ETV6: variants seen among roughly 807,000 people sequenced by gnomAD.
ETV6 encodes the protein ETS variant transcription factor 6.
A neutral mutation model predicts 51.1 loss-of-function variants in ETV6; 16 were observed. That is an observed-to-expected ratio of 0.31 (90% CI 0.21 to 0.48). ETV6 has a LOEUF of 0.48. ETV6 is among the 20% of genes least tolerant of loss of function. ETV6 has a pLI of 0.99. For missense variants in ETV6, 458 were observed against 594.8 expected (o/e 0.77, Z 2.39); for synonymous variants, 240 against 224.1 (o/e 1.07, Z -0.64).
chr12:11,836,682 C>T (rs1946321214), intron 2 of ETV6, among the ~76,000 whole-genome samples: 1 of 152,156 alleles, frequency 6.6e-6, no homozygotes, highest in African/African-American at 2.4e-5. Context: ...TTACTACTTG[C>T]ATCCCCCACC....
intron 1 of ETV6, among the ~76,000 whole-genome samples, chr12:11,675,124 G>T (rs180880184): frequency 6.6e-5 from 10 of 152,282 alleles, no homozygotes; most frequent in Non-Finnish European, 2.9e-5. Flanking sequence ...GCCCCTGAGA[G>T]TTTATTACCA....
At chr12:11,690,999 A>G (rs1338107175) in intron 1 of ETV6, among the ~76,000 whole-genome samples, 3 of 152,160 alleles carry the variant, frequency 2.0e-5, no homozygotes, top group African/African-American at 7.2e-5. Context: ...CTTATAAACA[A>G]CAGAATTTGA....
chr12:11,652,320 A>G (rs1863921061), intron 1 of ETV6, among the ~76,000 whole-genome samples: 1 of 152,220 alleles, frequency 6.6e-6, no homozygotes, highest in African/African-American at 2.4e-5. Flanking sequence ...AATAAGCACT[A>G]GAGATCAAGG....
chr12:11,706,216 T>G (rs1865070207), intron 1 of ETV6, among the ~76,000 whole-genome samples: 2 of 152,348 alleles, frequency 1.3e-5, no homozygotes, highest in South Asian at 2.1e-4. Context: ...CAGTGCAGCT[T>G]TAAAAATATT....
At chr12:11,701,578 A>G (rs1297353272) in intron 1 of ETV6, among the ~76,000 whole-genome samples, 1 of 152,146 alleles carries the variant, frequency 6.6e-6, no homozygotes, top group African/African-American at 2.4e-5. Context: ...GAAACTTCCA[A>G]AGGCACATCC....
At chr12:11,691,406 C>T (rs1384040728) in intron 1 of ETV6, among the ~76,000 whole-genome samples, 1 of 152,200 alleles carries the variant, frequency 6.6e-6, no homozygotes, top group Non-Finnish European at 1.5e-5. Context: ...TTTCTCTACC[C>T]AAGGTAACTA....
rs370676056 is a variant in ETV6 at position 11,697,886 on chromosome 12, A to G, written c.33+47726A>G. Among the ~76,000 whole-genome samples, 3 of 152,302 alleles carry G rather than the reference A, an allele frequency of 2.0e-5. No individual in the cohort carries two copies. In the South Asian group the frequency reaches 6.2e-4, roughly 32 times the overall value. ...ATAACTAAGCCCCGAGAGATTTCCA[A>G]TCATGCCCATAAGGTAATGCAATTT... On this transcript the variant is annotated intron_variant, in intron 1 of 7. Coordinates refer to ENST00000396373, the MANE Select transcript of ETV6 (RefSeq NM_001987.5).
At chr12:11,848,628 G>A (rs1056985461) in intron 3 of ETV6, among the ~76,000 whole-genome samples, 1 of 152,222 alleles carries the variant, frequency 6.6e-6, no homozygotes, top group African/African-American at 2.4e-5. Context: ...GTGCGCACGC[G>A]CGTGTGCATG....
At chr12:11,837,324 A>G (rs1565545314) in intron 2 of ETV6, among the ~76,000 whole-genome samples, 1 of 152,352 alleles carries the variant, frequency 6.6e-6, no homozygotes, top group East Asian at 1.9e-4. Context: ...ACACCAAGAA[A>G]AAAGCTCTTA....
chr12:11,831,435 G>A (rs1033350680), intron 2 of ETV6, among the ~76,000 whole-genome samples: 1 of 152,218 alleles, frequency 6.6e-6, no homozygotes, highest in Non-Finnish European at 1.5e-5. Flanking sequence ...GTGTTGGCCA[G>A]GCTGGTCTCA....
intron 2 of ETV6, among the ~76,000 whole-genome samples, chr12:11,828,656 G>A (rs1355772561): frequency 6.6e-6 from 1 of 152,180 alleles, no homozygotes; most frequent in African/African-American, 2.4e-5. Context: ...GTGTCCATGT[G>A]CCTGTGCATT....
chr12:11,828,715 T>C (rs1946197777), intron 2 of ETV6, among the ~76,000 whole-genome samples: 1 of 152,216 alleles, frequency 6.6e-6, no homozygotes, highest in Admixed American at 6.5e-5. Flanking sequence ...CAAAGAATCC[T>C]GTACCTTCTT....
intron 2 of ETV6, among the ~76,000 whole-genome samples, chr12:11,780,967 T>G (rs1945405376): frequency 6.6e-6 from 1 of 152,178 alleles, no homozygotes; most frequent in African/African-American, 2.4e-5. Flanking sequence ...ACAGCTTGGG[T>G]TTCCCCCTAC....
intron 1 of ETV6, among the ~76,000 whole-genome samples, chr12:11,655,037 T>A (rs1455505798): frequency 6.6e-6 from 1 of 152,058 alleles, no homozygotes; most frequent in East Asian, 1.9e-4. Context: ...CTCCTCTGAG[T>A]GCAGCTGTAT....
chr12:11,884,219 C>A (rs1034781521), intron 5 of ETV6, among the ~76,000 whole-genome samples: 1 of 152,180 alleles, frequency 6.6e-6, no homozygotes, highest in Non-Finnish European at 1.5e-5. Flanking sequence ...GGGAGGCTGT[C>A]GCCTGGATCA....
intron 4 of ETV6, among the ~76,000 whole-genome samples, chr12:11,859,205 G>C (rs565947507): frequency 1.7e-5 from 2 of 119,584 alleles, no homozygotes; most frequent in South Asian, 5.9e-4. Flanking sequence ...GCAGTGGTGC[G>C]ATCTCGGTTC....
intron 2 of ETV6, among the ~76,000 whole-genome samples, chr12:11,782,463 TAA>T (rs1945427080): frequency 6.6e-6 from 1 of 152,252 alleles, no homozygotes; most frequent in African/African-American, 2.4e-5. Flanking sequence ...ATTTTATTAT[TAA>T]GAGACAGTGT....
At chr12:11,669,215 TA>T (rs1451505633) in intron 1 of ETV6, among the ~76,000 whole-genome samples, 1 of 152,148 alleles carries the variant, frequency 6.6e-6, no homozygotes, top group Admixed American at 6.5e-5. Flanking sequence ...TCTTTAACCA[TA>T]AGGTGCGCAG....
intron 1 of ETV6, among the ~76,000 whole-genome samples, chr12:11,722,187 C>T (rs1315117676): frequency 6.6e-6 from 1 of 152,178 alleles, no homozygotes; most frequent in East Asian, 1.9e-4. Flanking sequence ...TAATTCTTCT[C>T]CCACCAAGTC....
Sources: gnomAD v4.1 joint callset for allele counts (sites outside exome capture counted in the v4.1 genomes callset) on GRCh38, gnomAD v4.1.1 for gene constraint, MANE v1.5 for transcripts, NCBI Gene and HGNC (gene_info 2026-07-23, HGNC 2026-07-21) for gene names.